The following ST6GALNAC3 variants were observed in gnomAD, a reference collection of about 807,000 sequenced individuals.
The protein encoded by ST6GALNAC3 is ST6 N-acetylgalactosaminide alpha-2,6-sialyltransferase 3.
In ST6GALNAC3, 25 loss-of-function variants were observed where a neutral mutation model predicts 32.7. The observed-to-expected ratio is 0.76, with a 90% CI of 0.56 to 1.07. The LOEUF (loss-of-function observed/expected upper bound fraction) is 1.07, where lower values mean the gene tolerates loss of function less well. Ranked by LOEUF, ST6GALNAC3 falls within the 50% of genes least tolerant of loss-of-function variation. The pLI is 0.00. For synonymous variants in ST6GALNAC3, 129 were observed against 133.1 expected, an observed-to-expected ratio of 0.97 and a Z score of 0.21; for missense variants, 355 against 382.4, an observed-to-expected ratio of 0.93 and a Z score of 0.60.
chr1:76,134,371 A>G (rs140873628), intron 1 of ST6GALNAC3, among the ~76,000 whole-genome samples: 4 of 152,324 alleles, frequency 2.6e-5, no homozygotes, highest in Non-Finnish European at 4.4e-5. Flanking sequence ...GAGAATGAGT[A>G]AATGCCCTTC....
intron 3 of ST6GALNAC3, among the ~76,000 whole-genome samples, chr1:76,546,854 G>C (rs746106382): frequency 6.6e-6 from 1 of 152,240 alleles, no homozygotes; most frequent in Admixed American, 6.5e-5. Flanking sequence ...CACACGTTGT[G>C]TTCCCACCAC....
intron 3 of ST6GALNAC3, among the ~76,000 whole-genome samples, chr1:76,598,241 G>T (rs756768021): frequency 6.6e-6 from 1 of 152,046 alleles, no homozygotes; most frequent in African/African-American, 2.4e-5. Flanking sequence ...ACACCATCAC[G>T]ACAACATATG....
chr1:76,313,795 T>C lies in ST6GALNAC3; in HGVS notation c.19-10T>C, dbSNP rs200284598. On this transcript the variant is annotated splice_polypyrimidine_tract_variant and intron_variant, in intron 1 of 4. Transcript: ENST00000328299. Reference sequence around the variant, plus strand: ...TTCGTTCTTCTTTTTGTTTTTTTAATGTTTTGTAGAGAAAGTCTGTGATTG... The same window carrying C: ...TTCGTTCTTCTTTTTGTTTTTTTAACGTTTTGTAGAGAAAGTCTGTGATTG... 1.7e-5 allele frequency: 27 copies of C among 1,611,268 alleles called. No homozygotes were observed. The highest frequency in any genetic ancestry group is 2.0e-5 in the Non-Finnish European group (24 of 1,178,810).
chr1:76,194,207 A>T (rs10493585), intron 1 of ST6GALNAC3, among the ~76,000 whole-genome samples: 1 of 152,138 alleles, frequency 6.6e-6, no homozygotes, highest in Non-Finnish European at 1.5e-5. Flanking sequence ...GTTCATAAAG[A>T]TATAAAGATC....
intron 3 of ST6GALNAC3, among the ~76,000 whole-genome samples, chr1:76,428,163 A>G (rs1039357110): frequency 6.6e-6 from 1 of 151,974 alleles, no homozygotes; most frequent in Non-Finnish European, 1.5e-5. Context: ...ACTCTTCATC[A>G]TCTTTGAGGA....
At chr1:76,188,332 A>AG (rs1401497197) in intron 1 of ST6GALNAC3, among the ~76,000 whole-genome samples, 1 of 152,164 alleles carries the variant, frequency 6.6e-6, no homozygotes, top group Non-Finnish European at 1.5e-5. Flanking sequence ...ACTGCACTCC[A>AG]GCCTGGATGA....
intron 1 of ST6GALNAC3, among the ~76,000 whole-genome samples, chr1:76,216,271 C>T (rs1041683471): frequency 2.0e-5 from 3 of 152,192 alleles, no homozygotes; most frequent in East Asian, 1.9e-4. Context: ...TACACACACA[C>T]GCACAGACAC....
At chr1:76,132,903 G>A (rs1397690806) in intron 1 of ST6GALNAC3, among the ~76,000 whole-genome samples, 1 of 152,062 alleles carries the variant, frequency 6.6e-6, no homozygotes, top group Non-Finnish European at 1.5e-5. Flanking sequence ...TATCTTAATG[G>A]CCATAATGGT....
At chr1:76,152,090 T>G (rs189423105) in intron 1 of ST6GALNAC3, among the ~76,000 whole-genome samples, 220 of 152,266 alleles carry the variant, frequency 1.4e-3, no homozygotes, top group Middle Eastern at 3.4e-3. Context: ...AGTGAAAAAT[T>G]GTCAAAAGAT....
intron 1 of ST6GALNAC3, among the ~76,000 whole-genome samples, chr1:76,280,778 T>C (rs901425875): frequency 6.6e-6 from 1 of 152,234 alleles, no homozygotes; most frequent in African/African-American, 2.4e-5. Context: ...AGTCACTTTA[T>C]TCTACTTGAA....
At chr1:76,142,717 G>C (rs1442557910) in intron 1 of ST6GALNAC3, 1 of 347,970 alleles carries the variant, frequency 2.9e-6, no homozygotes, top group Non-Finnish European at 5.5e-6. Context: ...GAAGAATCCT[G>C]TTTGGACCTT....
chr1:76,627,808 G>A (rs1469044129), intron 4 of ST6GALNAC3, among the ~76,000 whole-genome samples: 2 of 151,940 alleles, frequency 1.3e-5, no homozygotes, highest in Non-Finnish European at 2.9e-5. Flanking sequence ...CAGTGGCATA[G>A]CAGGGACTTT....
intron 1 of ST6GALNAC3, among the ~76,000 whole-genome samples, chr1:76,114,783 C>G (rs11162082): frequency 1.3e-5 from 2 of 151,696 alleles, no homozygotes; most frequent in South Asian, 4.1e-4. Context: ...GTGGCTTATG[C>G]CAGCACATGC....
intron 1 of ST6GALNAC3, among the ~76,000 whole-genome samples, chr1:76,110,582 T>G (rs967379112): frequency 2.0e-5 from 3 of 152,202 alleles, no homozygotes; most frequent in African/African-American, 7.2e-5. Context: ...TAGGTTGTAT[T>G]AGGTGATCAC....
chr1:76,536,673 A>G (rs907658925), intron 3 of ST6GALNAC3, among the ~76,000 whole-genome samples: 1 of 151,406 alleles, frequency 6.6e-6, no homozygotes, highest in African/African-American at 2.4e-5. Flanking sequence ...AAAAAAAAAA[A>G]AAAGCAGGGG....
intron 1 of ST6GALNAC3, among the ~76,000 whole-genome samples, chr1:76,231,803 G>C (rs1656374762): frequency 6.6e-6 from 1 of 152,080 alleles, no homozygotes; most frequent in Non-Finnish European, 1.5e-5. Flanking sequence ...TAAAAACATG[G>C]GTGTGCAGAT....
chr1:76,117,843 A>G (rs1238285519), intron 1 of ST6GALNAC3, among the ~76,000 whole-genome samples: 1 of 152,238 alleles, frequency 6.6e-6, no homozygotes, highest in Non-Finnish European at 1.5e-5. Context: ...TCTACATGCT[A>G]GATGACTTCA....
rs182742242 is a variant in ST6GALNAC3, at chr1:76,106,219, T to A, written c.18+31335T>A. Among the ~76,000 whole-genome samples, 516 of 152,314 alleles carry A rather than the reference T, an allele frequency of 3.4e-3. 1 individual carries two copies. The highest frequency in any genetic ancestry group is 0.024 in the Middle Eastern group (7 of 292). ...CATGATAATGAAATCCAATGGGAAA[T>A]TTTTTCTTTTAATTAGTTGATTTAT... is the stretch of plus-strand genomic sequence containing the variant. On this transcript the variant is annotated intron_variant, in intron 1 of 4. Transcript: ENST00000328299.
chr1:76,268,395 G>C (rs945364), intron 1 of ST6GALNAC3, among the ~76,000 whole-genome samples: 109,781 of 152,158 alleles, frequency 0.72, 39,930 homozygotes, highest in African/African-American at 0.81. Context: ...CAGATGCAGT[G>C]TGTTTCACTG....
Sources: allele counts gnomAD v4.1 joint callset (sites outside exome capture counted in the v4.1 genomes callset), GRCh38; gene constraint gnomAD v4.1.1; transcripts MANE v1.5; gene names NCBI Gene and HGNC (gene_info 2026-07-23, HGNC 2026-07-21).